RAX: variants seen among roughly 807,000 people sequenced by gnomAD.
RAX encodes retina and anterior neural fold homeobox, also known as retinal homeobox protein Rx.
A neutral mutation model predicts 17.4 loss-of-function variants in RAX; 11 were observed. The ratio of observed to expected loss-of-function variants is 0.63; its 90% CI spans 0.40 to 1.05. The LOEUF (loss-of-function observed/expected upper bound fraction) is 1.05, where lower values mean the gene tolerates loss of function less well. Among genes scored for constraint, RAX ranks in the 50% least tolerant of loss-of-function variants. RAX has a pLI of 0.00. For synonymous variants in RAX, 276 were observed against 254.7 expected (o/e 1.08, Z -0.80); for missense variants, 527 against 501.1 (o/e 1.05, Z -0.49).
intron 1 of RAX, 39 bp downstream of exon 1, chr18:59,272,879 C>G (rs2070350952): frequency 1.3e-5 from 20 of 1,489,334 alleles, no homozygotes; most frequent in Non-Finnish European, 1.7e-5. Flanking sequence ...TAAGCTCGGG[C>G]GCCCGAACGG....
intron 2 of RAX, 152 bp from the exon 3 acceptor site, chr18:59,269,653 A>G (rs980883948): frequency 2.3e-5 from 18 of 793,802 alleles, no homozygotes; most frequent in Non-Finnish European, 3.2e-5. Context: ...AGAGGCCCGG[A>G]TCTTCCTTCC....
rs2070290422 is a variant in RAX, at chr18:59,267,631, G to GGCCCC, written c.*1372_*1373insGGGGC. 1.1e-5 allele frequency: 1 copy of GGCCCC among 88,722 alleles called. No homozygotes were observed. Among genetic ancestry groups the GGCCCC allele is most frequent in the Non-Finnish European group, 2.2e-5 (1 of 45,658 alleles). 5.5% of individuals were successfully genotyped at this position (88,722 alleles called of 1,614,324 possible). A position where few individuals can be genotyped will look rare whatever the true frequency, so the allele number is the denominator to read the frequency against. Reference sequence around the variant, plus strand: ...TAGGGACGGGGGTTGTGGGGTGGACGCCCCCCCCCCCCCCGTGCCAGGACC... The same window carrying GGCCCC: ...TAGGGACGGGGGTTGTGGGGTGGACGGCCCCCCCCCCCCCCCCCCGTGCCAGGACC... On this transcript the variant is annotated 3_prime_UTR_variant, in exon 3 of 3. Coordinates refer to ENST00000334889, the MANE Select transcript of RAX (RefSeq NM_013435.3).
chr18:59,268,942 G>A lies in RAX; in HGVS notation c.*62C>T. On this transcript the variant is annotated 3_prime_UTR_variant, in exon 3 of 3. Transcript: ENST00000334889. This position sits in a 1 kb window ranked among gnomAD's most constrained non-coding sequence, Gnocchi z 4.4. ...CTGGGGAGGGGGGTTGTCCCTGGGA[G>A]AGAGGATGCGGGTACGGTGCGGTCG... 2 of 1,611,974 alleles carry A rather than the reference G, an allele frequency of 1.2e-6. No individual in the cohort carries two copies. Among genetic ancestry groups the A allele is most frequent in the Middle Eastern group, 1.7e-4 (1 of 5,944 alleles).
intron 1 of RAX, 50 bp from the exon 2 acceptor site, chr18:59,272,664 TG>T: frequency 6.4e-7 from 1 of 1,552,152 alleles, no homozygotes; most frequent in Non-Finnish European, 8.7e-7. Flanking sequence ...AAAACACCCT[TG>T]GGCCGACCCC....
Position 59,273,154 on chromosome 18 carries a change from G to T in RAX, c.53C>A (p.Ala18Asp), listed in dbSNP as rs2144156353. The part of the protein sequence containing the change: ...PAMADGSFSL[A>D]GHLLRSPGGS... ...GCCCGGGCTGCGGAGCAGGTGGCCG[G>T]CAAGCGAGAAGCTCCCGTCGGCCAT... The change falls in exon 1 of 3, where the codon GCC becomes GAC. Residue 18 changes from alanine (A) to aspartate (D), a missense_variant. Ala to Asp is a moderately radical substitution (Grantham distance 126). Transcript: ENST00000334889. 5 of 1,533,600 alleles carry T rather than the reference G, an allele frequency of 3.3e-6. No homozygotes were observed. The highest frequency in any genetic ancestry group is 2.5e-5 in the East Asian group (1 of 40,812). 95.0% of individuals were successfully genotyped at this position (1,533,600 alleles called of 1,614,324 possible).
rs1176317480 is a variant in RAX, at chr18:59,267,475, C to A, written c.*1529G>T. 3.9e-5 allele frequency: 6 copies of A among 152,282 alleles called. No homozygotes were observed. Among genetic ancestry groups the A allele is most frequent in the African/African-American group, 7.2e-5 (3 of 41,452 alleles). The allele number at this position is 152,282 out of a possible 1,614,324, so 9.4% of individuals were successfully genotyped here. A position where few individuals can be genotyped will look rare whatever the true frequency, so the allele number is the denominator to read the frequency against. On this transcript the variant is annotated 3_prime_UTR_variant, in exon 3 of 3. Coordinates refer to ENST00000334889, the MANE Select transcript of RAX (RefSeq NM_013435.3). ...AGGTGATCTTATTCCATCTTTCCCA[C>A]CTTCCAGAGAGACAGAGTTTATTTA...
In RAX at chr18:59,267,278, A is replaced by G. The variant is rs1369656228; in HGVS notation, c.*1726T>C. 2 of 152,200 alleles carry G rather than the reference A, an allele frequency of 1.3e-5. No homozygotes were observed. Among genetic ancestry groups the G allele is most frequent in the Non-Finnish European group, 2.9e-5 (2 of 68,048 alleles). 9.4% of individuals were successfully genotyped at this position (152,200 alleles called of 1,614,324 possible). On this transcript the variant is annotated 3_prime_UTR_variant, in exon 3 of 3. Coordinates refer to ENST00000334889, the MANE Select transcript of RAX (RefSeq NM_013435.3). ...AGCCTCTTAGACCCGCAGAGAAAGG[A>G]CTGGAAACTATGATGAGGCTTCCCA...
chr18:59,272,889 G>A (rs929394044), intron 1 of RAX, 29 bp downstream of exon 1: 1 of 1,492,382 alleles, frequency 6.7e-7, no homozygotes, highest in Non-Finnish European at 8.8e-7. Context: ...CGCCCGAACG[G>A]CCTCGCACAG....
chr18:59,269,571 G>T, intron 2 of RAX, 70 bp from the exon 3 acceptor site: 1 of 1,550,044 alleles, frequency 6.5e-7, no homozygotes, highest in Non-Finnish European at 8.7e-7. Context: ...CCCTGAGCCG[G>T]TTCAGCTCGG....
At position 59,272,904 on chromosome 18, in the gene RAX, G is replaced by C; in HGVS notation, c.289+14C>G. ...CGCCCGAACGGCCTCGCACAGCCAGGGGTGCGCACTCACCTTCGTACTCGG... is the reference window on the plus strand; with the variant it reads ...CGCCCGAACGGCCTCGCACAGCCAGCGGTGCGCACTCACCTTCGTACTCGG... On this transcript the variant is annotated intron_variant, in intron 1 of 2. Coordinates refer to ENST00000334889, the MANE Select transcript of RAX (RefSeq NM_013435.3). The C allele has an allele frequency of 6.7e-7, 1 of 1,489,200 alleles. No homozygotes were observed. Among genetic ancestry groups the C allele is most frequent in the South Asian group, 1.4e-5 (1 of 71,766 alleles). 92.2% of individuals were successfully genotyped at this position (1,489,200 alleles called of 1,614,324 possible). A position where few individuals can be genotyped will look rare whatever the true frequency, so the allele number is the denominator to read the frequency against.
Position 59,273,358 on chromosome 18 carries a change from G to A in RAX, c.-152C>T. The A allele has an allele frequency of 2.4e-6, 2 of 823,318 alleles. No homozygotes were observed. Among genetic ancestry groups the A allele is most frequent in the Non-Finnish European group, 3.6e-6 (2 of 561,576 alleles). 51.0% of individuals were successfully genotyped at this position (823,318 alleles called of 1,614,324 possible). On this transcript the variant is annotated 5_prime_UTR_variant, in exon 1 of 3. Coordinates refer to ENST00000334889, the MANE Select transcript of RAX (RefSeq NM_013435.3). ...CGCCCGGGCTGCGCACGCTGGGGGT[G>A]GCCGAGCGCTCAGCCCGCTGCCGCC...
Position 59,267,175 on chromosome 18 carries a change from G to A in RAX, c.*1829C>T, listed in dbSNP as rs1042382378. 12 of 152,226 alleles carry A rather than the reference G, an allele frequency of 7.9e-5. No homozygotes were observed. The highest frequency in any genetic ancestry group is 6.5e-5 in the Admixed American group (1 of 15,288). 9.4% of individuals were successfully genotyped at this position (152,226 alleles called of 1,614,324 possible). A position where few individuals can be genotyped will look rare whatever the true frequency, so the allele number is the denominator to read the frequency against. On this transcript the variant is annotated 3_prime_UTR_variant, in exon 3 of 3. Coordinates refer to ENST00000334889, the MANE Select transcript of RAX (RefSeq NM_013435.3). ...CTCTTGGGGGGGAATAATTTATTCA[G>A]TACATTTTTACTGATCAGCCTACTG...
Position 59,272,482 on chromosome 18 carries a change from G to C in RAX, c.422C>G (p.Thr141Arg). The change falls in exon 2 of 3, where the codon ACG becomes AGG. Residue 141 changes from threonine (T) to arginine (R), a missense_variant. Coordinates refer to ENST00000334889, the MANE Select transcript of RAX (RefSeq NM_013435.3). ...QPKKKHRRNR[T>R]TFTTYQLHEL... ...ATGCAGCTGGTACGTGGTGAAAGTC[G>C]TGCGGTTCCGCCGATGCTTTTTCTT... 1 of 1,614,254 alleles carries C rather than the reference G, an allele frequency of 6.2e-7. No individual in the cohort carries two copies. The highest frequency in any genetic ancestry group is 8.5e-7 in the Non-Finnish European group (1 of 1,180,048).
chr18:59,271,139 C>A (rs932668824), intron 2 of RAX, among the ~76,000 whole-genome samples: 8 of 152,232 alleles, frequency 5.3e-5, no homozygotes, highest in Non-Finnish European at 7.3e-5. Context: ...AAAGAAGTCA[C>A]AGACACTGTT....
rs565172849 is a variant in RAX, at chr18:59,273,073, T to G, written c.134A>C (p.Asp45Ala). 32 of 1,535,022 alleles carry G rather than the reference T, an allele frequency of 2.1e-5. No homozygotes were observed. Among genetic ancestry groups the G allele is most frequent in the Middle Eastern group, 1.7e-4 (1 of 5,972 alleles). ...CGCCGGGAAGGTGCCGAGGATCCCGTCGTCCTTGGTAAACCCCAGGATGGC... is the reference window on the plus strand; with the variant it reads ...CGCCGGGAAGGTGCCGAGGATCCCGGCGTCCTTGGTAAACCCCAGGATGGC... Reference protein sequence around the residue: ...IEAILGFTKDDGILGTFPAER... With the variant: ...IEAILGFTKDAGILGTFPAER... Residue 45 changes from aspartate (D) to alanine (A), a missense_variant, in exon 1 of 3, where the codon GAC becomes GCC. By Grantham distance (126) the Asp-to-Ala change is moderately radical (BLOSUM62 -2). Coordinates refer to ENST00000334889, the MANE Select transcript of RAX (RefSeq NM_013435.3).
chr18:59,268,955 T>A lies in RAX; in HGVS notation c.*49A>T, dbSNP rs1233566822. ...TTGTCCCTGGGAGAGAGGATGCGGG[T>A]ACGGTGCGGTCGGCCCGGGGTCGGA... On this transcript the variant is annotated 3_prime_UTR_variant, in exon 3 of 3. Coordinates refer to ENST00000334889, the MANE Select transcript of RAX (RefSeq NM_013435.3). The surrounding 1 kb of genome is among the most constrained non-coding windows in gnomAD (Gnocchi z 4.4). The A allele has an allele frequency of 1.2e-6, 2 of 1,612,296 alleles. No homozygotes were observed. The highest frequency in any genetic ancestry group is 1.7e-4 in the Middle Eastern group (1 of 6,016).
chr18:59,269,718 T>TTCTC (rs35880128), intron 2 of RAX, among the ~76,000 whole-genome samples: 8 of 134,648 alleles, frequency 5.9e-5, no homozygotes, highest in Non-Finnish European at 6.1e-5. Flanking sequence ...TCCATCCCCT[T>TTCTC]TCTCTCTCTC....
At position 59,272,412 on chromosome 18, in the gene RAX, G is replaced by A; in HGVS notation, c.492C>T (p.Tyr164=). 1 of 1,614,246 alleles carries A rather than the reference G, an allele frequency of 6.2e-7. No individual in the cohort carries two copies. Among genetic ancestry groups the A allele is most frequent in the Non-Finnish European group, 8.5e-7 (1 of 1,180,046 alleles). The change falls in exon 2 of 3, where the codon TAC becomes TAT. Residue 164 remains tyrosine (Y), a synonymous_variant. Transcript: ENST00000334889. ...CCTTGCCGGCCAGCTCCTCGCGGCTGTACACGTCCGGGTAGTGGGACTTCT... is the reference window on the plus strand; with the variant it reads ...CCTTGCCGGCCAGCTCCTCGCGGCTATACACGTCCGGGTAGTGGGACTTCT... ...AFEKSHYPDV[Y]SREELAGKVN...
rs574376922 is a variant in RAX, at chr18:59,271,598, G to C, written c.543+763C>G. Among the ~76,000 whole-genome samples the C allele has an allele frequency of 2.6e-5, 4 of 152,298 alleles. No individual in the cohort carries two copies. The East Asian group carries it at 5.8e-4, about 22-fold the overall frequency. ...CATTTCCTGGAAATCTAATTTATTA[G>C]ACACACACAAAAATCCCATCTTAGT... On this transcript the variant is annotated intron_variant, in intron 2 of 2. Transcript: ENST00000334889.
Sources: gnomAD v4.1 joint callset for allele counts (sites outside exome capture counted in the v4.1 genomes callset) on GRCh38, gnomAD v4.1.1 for gene constraint, Gnocchi (gnomAD v3.1) non-coding constraint, MANE v1.5 for transcripts, NCBI Gene and HGNC (gene_info 2026-07-23, HGNC 2026-07-21) for gene names.